ENTREP2: variants seen among roughly 807,000 people sequenced by gnomAD.
The protein encoded by ENTREP2 is endosomal transmembrane epsin interactor 2.
chr15:29,264,023 C>T, the ENTREP2 span, among the ~76,000 whole-genome samples: 1 of 151,834 alleles, frequency 6.6e-6, no homozygotes, highest in African/African-American at 2.4e-5. Context: ...GGCATGGTGG[C>T]GGGTGCCTGT....
chr15:29,210,701 C>T, the ENTREP2 span, among the ~76,000 whole-genome samples: 1 of 152,128 alleles, frequency 6.6e-6, no homozygotes, highest in East Asian at 1.9e-4. Flanking sequence ...TGGTTGGGGA[C>T]TGCTGCCCTA....
the ENTREP2 span, among the ~76,000 whole-genome samples, chr15:29,312,817 G>C: frequency 6.6e-6 from 1 of 152,068 alleles, no homozygotes; most frequent in South Asian, 2.1e-4. Flanking sequence ...TGAAAGGAAG[G>C]GTCACACGTT....
At chr15:29,308,303 G>A in the ENTREP2 span, among the ~76,000 whole-genome samples, 1 of 152,190 alleles carries the variant, frequency 6.6e-6, no homozygotes, top group Non-Finnish European at 1.5e-5. Flanking sequence ...TTAAGCCAGG[G>A]AGGTGGAGGT....
the ENTREP2 span, among the ~76,000 whole-genome samples, chr15:29,372,087 A>AT: frequency 4.5e-3 from 686 of 152,244 alleles, 7 homozygotes; most frequent in African/African-American, 0.016. Flanking sequence ...AATACACATA[A>AT]TTTTTCCAGA....
chr15:29,221,344 G>T, the ENTREP2 span, among the ~76,000 whole-genome samples: 1 of 151,908 alleles, frequency 6.6e-6, no homozygotes, highest in Non-Finnish European at 1.5e-5. Flanking sequence ...TGGGATTATA[G>T]GTGCCCACCA....
chr15:29,654,875 G>A, the ENTREP2 span, among the ~76,000 whole-genome samples: 4 of 150,414 alleles, frequency 2.7e-5, no homozygotes, highest in Admixed American at 2.6e-4. Flanking sequence ...TAAAATTCAA[G>A]GACAAGCCAA....
chr15:29,334,029 C>G, the ENTREP2 span, among the ~76,000 whole-genome samples: 13 of 152,252 alleles, frequency 8.5e-5, no homozygotes, highest in African/African-American at 2.9e-4. Flanking sequence ...CCCTCAGGGC[C>G]TCGAGAAGAA....
At chr15:29,651,891 C>T in the ENTREP2 span, among the ~76,000 whole-genome samples, 8 of 152,214 alleles carry the variant, frequency 5.3e-5, no homozygotes, top group South Asian at 2.1e-4. Context: ...AGGACGCAGA[C>T]GGGTTCCTGG....
At chr15:29,624,314 CGCGCACACATGCACGT>C in the ENTREP2 span, among the ~76,000 whole-genome samples, 1 of 151,732 alleles carries the variant, frequency 6.6e-6, no homozygotes, top group African/African-American at 2.4e-5. Context: ...CTCCCAATAA[CGCGCACACATGCACGT>C]GCGCACACAC....
At chr15:29,453,439 T>C in the ENTREP2 span, among the ~76,000 whole-genome samples, 1 of 152,158 alleles carries the variant, frequency 6.6e-6, no homozygotes, top group East Asian at 1.9e-4. Flanking sequence ...ACAATAAATA[T>C]CTACTGCTGA....
the ENTREP2 span, among the ~76,000 whole-genome samples, chr15:29,474,647 C>T: frequency 4.5e-4 from 68 of 152,176 alleles, no homozygotes; most frequent in Non-Finnish European, 8.7e-4. Context: ...CTCCGCCTCC[C>T]GGGTTCAAGT....
the ENTREP2 span, among the ~76,000 whole-genome samples, chr15:29,271,836 A>T: frequency 6.6e-6 from 1 of 152,148 alleles, no homozygotes; most frequent in Non-Finnish European, 1.5e-5. Context: ...GGTGTCTGAG[A>T]GATTTTGTCT....
the ENTREP2 span, chr15:29,267,312 C>A: frequency 6.6e-6 from 1 of 152,214 alleles, no homozygotes; most frequent in African/African-American, 2.4e-5. Flanking sequence ...CTGAATAAAA[C>A]GTGTTGAATC....
chr15:29,378,999 T>C, the ENTREP2 span, among the ~76,000 whole-genome samples: 2 of 152,276 alleles, frequency 1.3e-5, no homozygotes, highest in Admixed American at 6.5e-5. Flanking sequence ...AACCAAAAGA[T>C]TGCACTGTTG....
the ENTREP2 span, among the ~76,000 whole-genome samples, chr15:29,531,672 A>G: frequency 6.6e-6 from 1 of 152,224 alleles, no homozygotes; most frequent in Non-Finnish European, 1.5e-5. Context: ...TATGGAAAGC[A>G]AAATTGTTTC....
the ENTREP2 span, among the ~76,000 whole-genome samples, chr15:29,608,987 G>T: frequency 7.4e-6 from 1 of 135,726 alleles, no homozygotes; most frequent in African/African-American, 2.6e-5. Flanking sequence ...GGTATATCTG[G>T]GGTTCTTCTG....
chr15:29,439,473 C>A, the ENTREP2 span, among the ~76,000 whole-genome samples: 1 of 152,082 alleles, frequency 6.6e-6, no homozygotes. Context: ...ATTAATGTCA[C>A]AATGACTAAA....
chr15:29,642,381 C>T, the ENTREP2 span, among the ~76,000 whole-genome samples: 1 of 151,028 alleles, frequency 6.6e-6, no homozygotes, highest in Middle Eastern at 3.4e-3. Flanking sequence ...CAAAACCATT[C>T]AATAGGGGGG....
chr15:29,285,011 G>A, the ENTREP2 span, among the ~76,000 whole-genome samples: 2 of 152,306 alleles, frequency 1.3e-5, no homozygotes, highest in Middle Eastern at 3.4e-3. Flanking sequence ...AGACAAGGGC[G>A]AAGGAGTGAA....
Sources: allele counts gnomAD v4.1 joint callset (sites outside exome capture counted in the v4.1 genomes callset), GRCh38; gene constraint gnomAD v4.1.1; transcripts MANE v1.5; gene names NCBI Gene and HGNC (gene_info 2026-07-23, HGNC 2026-07-21).